CADM2: variants seen among roughly 807,000 people sequenced by gnomAD.
CADM2 encodes immunoglobulin superfamily member 4D.
Under a neutral mutation model 49.8 loss-of-function variants are expected in CADM2, and 12 were observed. The observed-to-expected ratio is 0.24, with a 90% CI of 0.15 to 0.39. CADM2 has a LOEUF of 0.39. Among genes scored for constraint, CADM2 ranks in the 10% least tolerant of loss-of-function variants. The probability of loss-of-function intolerance (pLI) is 1.00; values close to 1 mark genes in which losing one functional copy is unlikely to be tolerated. For synonymous variants in CADM2, 214 were observed against 175.4 expected (o/e 1.22, Z -1.74); for missense variants, 378 against 492.3 (o/e 0.77, Z 2.20).
chr3:85,029,106 A>T (rs1029976839), intron 1 of CADM2, among the ~76,000 whole-genome samples: 3 of 151,938 alleles, frequency 2.0e-5, no homozygotes, highest in African/African-American at 7.2e-5. Context: ...ATTAAGTGGA[A>T]TTATACTTAA....
chr3:85,596,404 G>GA (rs1487109227), intron 1 of CADM2, among the ~76,000 whole-genome samples: 1 of 151,990 alleles, frequency 6.6e-6, no homozygotes, highest in African/African-American at 2.4e-5. Context: ...GTATTTAGAA[G>GA]AAAAAAGTAA....
chr3:85,120,381 C>G (rs9867934), intron 1 of CADM2, among the ~76,000 whole-genome samples: 14 of 152,270 alleles, frequency 9.2e-5, no homozygotes, highest in African/African-American at 3.1e-4. Flanking sequence ...GAAACATGTA[C>G]ACGTATATTT....
chr3:84,982,283 G>A lies in CADM2; in HGVS notation c.61+22615G>A, dbSNP rs954809155. Among the ~76,000 whole-genome samples, 7 of 152,136 alleles carry A rather than the reference G, an allele frequency of 4.6e-5. No individual in the cohort carries two copies. In the South Asian group the frequency reaches 1.2e-3, roughly 27 times the overall value. On this transcript the variant is annotated intron_variant, in intron 1 of 9. Transcript: ENST00000383699. ...AATGAAATATTCATTTGTGTTTCTAGATGTAGACATAAAATGGACTCCAAA... is the reference window on the plus strand; with the variant it reads ...AATGAAATATTCATTTGTGTTTCTAAATGTAGACATAAAATGGACTCCAAA...
chr3:85,003,191 CT>C (rs11340503), intron 1 of CADM2, among the ~76,000 whole-genome samples: 13,713 of 152,066 alleles, frequency 0.09, 832 homozygotes, highest in Non-Finnish European at 0.14. Context: ...AAATAGTGGT[CT>C]ATTTTTCTAT....
At chr3:85,967,178 T>A (rs557435786) in intron 8 of CADM2, among the ~76,000 whole-genome samples, 1 of 151,780 alleles carries the variant, frequency 6.6e-6, no homozygotes, top group African/African-American at 2.4e-5. Flanking sequence ...TTGTTGCTCA[T>A]GTAGACACAT....
intron 1 of CADM2, among the ~76,000 whole-genome samples, chr3:85,008,080 C>T (rs1028753971): frequency 6.6e-6 from 1 of 152,132 alleles, no homozygotes; most frequent in Non-Finnish European, 1.5e-5. Flanking sequence ...CCTCAGAGAG[C>T]AGTTGGCTCA....
At chr3:85,909,487 A>G (rs1717275320) in intron 5 of CADM2, among the ~76,000 whole-genome samples, 1 of 151,988 alleles carries the variant, frequency 6.6e-6, no homozygotes, top group African/African-American at 2.4e-5. Context: ...AGAGAAAAAG[A>G]TGGGAAGAGT....
chr3:85,469,053 G>A (rs190762850), intron 1 of CADM2, among the ~76,000 whole-genome samples: 129 of 152,340 alleles, frequency 8.5e-4, no homozygotes, highest in Non-Finnish European at 1.4e-3. Context: ...CCACAAGTCA[G>A]AGAAAGCTTT....
intron 5 of CADM2, among the ~76,000 whole-genome samples, chr3:85,888,662 G>GT (rs999893919): frequency 6.6e-6 from 1 of 151,968 alleles, no homozygotes; most frequent in Non-Finnish European, 1.5e-5. Context: ...TGTTTACATC[G>GT]TTTGTCTCCC....
At chr3:85,686,994 C>T (rs1337092009) in intron 1 of CADM2, among the ~76,000 whole-genome samples, 1 of 152,142 alleles carries the variant, frequency 6.6e-6, no homozygotes, top group Non-Finnish European at 1.5e-5. Flanking sequence ...GTGTTCAGGA[C>T]CTCTTGAGGC....
At chr3:85,849,434 C>A (rs928930482) in intron 3 of CADM2, among the ~76,000 whole-genome samples, 1 of 152,134 alleles carries the variant, frequency 6.6e-6, no homozygotes, top group Non-Finnish European at 1.5e-5. Context: ...TAAATAAAAA[C>A]CACCATTCTT....
rs548366034 is a variant in CADM2, at chr3:86,037,137, G to T, written c.971-28468G>T. On this transcript the variant is annotated intron_variant, in intron 8 of 9. Coordinates refer to ENST00000383699, the MANE Select transcript of CADM2 (RefSeq NM_001167675.2). ...AGTATACAGTTGCTGTCTTGCTAATGTATTGCTTTTGCATTTTTTTGTATA... is the reference window on the plus strand; with the variant it reads ...AGTATACAGTTGCTGTCTTGCTAATTTATTGCTTTTGCATTTTTTTGTATA... Among the ~76,000 whole-genome samples the T allele has an allele frequency of 5.1e-4, 78 of 152,174 alleles. 1 individual carries two copies. In the South Asian group the frequency reaches 0.016, roughly 30 times the overall value.
At chr3:85,070,262 A>T (rs2036677166) in intron 1 of CADM2, among the ~76,000 whole-genome samples, 1 of 152,192 alleles carries the variant, frequency 6.6e-6, no homozygotes, top group Non-Finnish European at 1.5e-5. Flanking sequence ...ATTTTTAAAC[A>T]TATGCCTATA....
chr3:85,661,340 T>C (rs1421816671), intron 1 of CADM2, among the ~76,000 whole-genome samples: 1 of 151,932 alleles, frequency 6.6e-6, no homozygotes, highest in East Asian at 1.9e-4. Flanking sequence ...TATCTGATTA[T>C]GGATTTTTTA....
At chr3:85,900,688 C>T (rs1715998291) in intron 5 of CADM2, among the ~76,000 whole-genome samples, 1 of 152,008 alleles carries the variant, frequency 6.6e-6, no homozygotes, top group Non-Finnish European at 1.5e-5. Flanking sequence ...ACTCATAAGC[C>T]CATGAGTAAT....
intron 3 of CADM2, among the ~76,000 whole-genome samples, chr3:85,826,762 T>A (rs1434152496): frequency 6.6e-6 from 1 of 152,136 alleles, no homozygotes; most frequent in East Asian, 1.9e-4. Flanking sequence ...CTTTTCCTAA[T>A]GAAAAAGACT....
intron 1 of CADM2, among the ~76,000 whole-genome samples, chr3:85,240,380 C>G (rs1188173080): frequency 1.3e-5 from 2 of 151,414 alleles, no homozygotes; most frequent in African/African-American, 4.8e-5. Context: ...ATAGATATTA[C>G]TTTAAGAAAA....
In CADM2 at chr3:85,898,937, G is replaced by GTATATATATA. The variant is rs1553704342; in HGVS notation, c.529+12620_529+12629dup. On this transcript the variant is annotated intron_variant, in intron 5 of 9. Coordinates refer to ENST00000383699, the MANE Select transcript of CADM2 (RefSeq NM_001167675.2). ...TCATAAAATCCAATTCATTTATTGT[G>GTATATATATA]TATATATATATATATATATTTTTTT... is the stretch of plus-strand genomic sequence containing the variant. Among the ~76,000 whole-genome samples the GTATATATATA allele has an allele frequency of 2.1e-4, 10 of 46,678 alleles. 1 individual carries two copies. The highest frequency in any genetic ancestry group is 5.7e-4 in the African/African-American group (5 of 8,696). The allele number at this position is 46,678 out of a possible 152,430, so 30.6% of individuals were successfully genotyped here.
At chr3:85,938,755 G>A (rs1185942560) in intron 7 of CADM2, among the ~76,000 whole-genome samples, 2 of 151,590 alleles carry the variant, frequency 1.3e-5, no homozygotes, top group Non-Finnish European at 2.9e-5. Context: ...AGCTTACTTA[G>A]TATACTTAAT....
Sources: gnomAD v4.1 joint callset for allele counts (sites outside exome capture counted in the v4.1 genomes callset) on GRCh38, gnomAD v4.1.1 for gene constraint, MANE v1.5 for transcripts, NCBI Gene and HGNC (gene_info 2026-07-23, HGNC 2026-07-21) for gene names.